The following ADK variants were observed in gnomAD, a reference collection of about 807,000 sequenced individuals.
ADK encodes N6,N6-dimethyladenosine kinase.
Under a neutral mutation model 44.7 loss-of-function variants are expected in ADK, and 24 were observed. That is an observed-to-expected ratio of 0.54 (90% CI 0.39 to 0.76). ADK has a LOEUF of 0.76. ADK is among the 30% of genes least tolerant of loss of function. The probability of loss-of-function intolerance (pLI) is 0.00; values close to 1 mark genes in which losing one functional copy is unlikely to be tolerated. For missense variants in ADK, 321 were observed against 425.1 expected, an observed-to-expected ratio of 0.76 and a Z score of 2.15; for synonymous variants, 128 against 142.6, an observed-to-expected ratio of 0.90 and a Z score of 0.73.
intron 3 of ADK, among the ~76,000 whole-genome samples, chr10:74,238,803 A>C (rs1006200086): frequency 5.3e-5 from 8 of 151,820 alleles, no homozygotes; most frequent in African/African-American, 1.9e-4. Flanking sequence ...AAGAAGATAG[A>C]AAAATACATT....
At chr10:74,648,382 G>C (rs1854127879) in intron 9 of ADK, among the ~76,000 whole-genome samples, 1 of 152,142 alleles carries the variant, frequency 6.6e-6, no homozygotes, top group Non-Finnish European at 1.5e-5. Flanking sequence ...TTTCATTCAT[G>C]AAAGGAAAAT....
At chr10:74,410,662 C>T (rs1466289010) in intron 6 of ADK, among the ~76,000 whole-genome samples, 1 of 152,154 alleles carries the variant, frequency 6.6e-6, no homozygotes, top group Non-Finnish European at 1.5e-5. Flanking sequence ...GCCTGGCTGA[C>T]AGAGTGAGAC....
At chr10:74,250,707 T>A (rs1340843924) in intron 3 of ADK, among the ~76,000 whole-genome samples, 1 of 151,940 alleles carries the variant, frequency 6.6e-6, no homozygotes, top group Non-Finnish European at 1.5e-5. Flanking sequence ...ATAATGAGGG[T>A]CTCTTATAGG....
chr10:74,211,217 A>AT (rs1591860698), intron 2 of ADK, among the ~76,000 whole-genome samples: 2 of 151,318 alleles, frequency 1.3e-5, no homozygotes, highest in East Asian at 1.9e-4. Context: ...CTATTGCCAT[A>AT]TTTTTTTCTA....
intron 6 of ADK, among the ~76,000 whole-genome samples, chr10:74,520,180 T>C (rs1848748246): frequency 6.6e-6 from 1 of 152,024 alleles, no homozygotes; most frequent in Non-Finnish European, 1.5e-5. Flanking sequence ...TGCATAGTTT[T>C]ACGCATATGT....
chr10:74,679,872 C>T (rs1397330246), intron 10 of ADK, among the ~76,000 whole-genome samples: 2 of 151,882 alleles, frequency 1.3e-5, no homozygotes, highest in African/African-American at 2.4e-5. Context: ...GCTGGAGAAT[C>T]GCTTGAACCC....
chr10:74,589,435 G>GCCAAGTTT, intron 8 of ADK, 118 bp downstream of exon 8: 6 of 1,093,486 alleles, frequency 5.5e-6, no homozygotes, highest in Non-Finnish European at 8.3e-6. Flanking sequence ...CGCAGCAGTT[G>GCCAAGTTT]CCATGGAAAC....
chr10:74,401,470 A>G (rs995379123), intron 6 of ADK, among the ~76,000 whole-genome samples: 20 of 152,098 alleles, frequency 1.3e-4, no homozygotes, highest in Non-Finnish European at 4.4e-5. Context: ...TTCTTGTTGC[A>G]TTGATCCCTT....
At chr10:74,464,156 G>A (rs181822968) in intron 6 of ADK, among the ~76,000 whole-genome samples, 9 of 151,954 alleles carry the variant, frequency 5.9e-5, no homozygotes, top group South Asian at 2.1e-4. Flanking sequence ...AAGACATACC[G>A]TATACATGAT....
At chr10:74,386,780 G>A (rs570656013) in intron 4 of ADK, among the ~76,000 whole-genome samples, 1 of 151,996 alleles carries the variant, frequency 6.6e-6, no homozygotes, top group South Asian at 2.1e-4. Flanking sequence ...GTTTTTCATT[G>A]TTTTTGTTAA....
At chr10:74,547,783 C>T (rs77442877) in intron 7 of ADK, among the ~76,000 whole-genome samples, 50 of 152,252 alleles carry the variant, frequency 3.3e-4, no homozygotes, top group African/African-American at 1.1e-3. Flanking sequence ...CTCAGCCTCC[C>T]GAATAGCTGG....
intron 10 of ADK, among the ~76,000 whole-genome samples, chr10:74,690,456 A>G (rs563906291): frequency 1.3e-5 from 2 of 152,264 alleles, no homozygotes; most frequent in East Asian, 3.9e-4. Flanking sequence ...AGATCACACC[A>G]CTGTTCTCCA....
chr10:74,260,478 C>T (rs933975384), intron 3 of ADK, among the ~76,000 whole-genome samples: 1 of 152,108 alleles, frequency 6.6e-6, no homozygotes, highest in Non-Finnish European at 1.5e-5. Flanking sequence ...GCTGTGTTGT[C>T]CCTTGAATGC....
chr10:74,357,577 G>T (rs1440021536), intron 4 of ADK, among the ~76,000 whole-genome samples: 1 of 151,408 alleles, frequency 6.6e-6, no homozygotes, highest in African/African-American at 2.4e-5. Context: ...CTGGGGTTAC[G>T]GGCATAAGCC....
intron 8 of ADK, among the ~76,000 whole-genome samples, chr10:74,591,054 G>C (rs1250544443): frequency 6.6e-6 from 1 of 152,076 alleles, no homozygotes; most frequent in Non-Finnish European, 1.5e-5. Context: ...ACATGATCAT[G>C]ATCCTGTAGT....
intron 9 of ADK, among the ~76,000 whole-genome samples, chr10:74,647,996 A>G (rs1187569662): frequency 6.6e-6 from 1 of 152,144 alleles, no homozygotes; most frequent in Non-Finnish European, 1.5e-5. Flanking sequence ...ACTACAATTT[A>G]TCTTCTTGCA....
At chr10:74,289,461 AAG>A (rs1847319265) in intron 3 of ADK, among the ~76,000 whole-genome samples, 1 of 152,232 alleles carries the variant, frequency 6.6e-6, no homozygotes, top group African/African-American at 2.4e-5. Flanking sequence ...GGCTTAAGCA[AAG>A]ATAGCCTGGG....
chr10:74,273,741 A>G (rs1243405946), intron 3 of ADK, among the ~76,000 whole-genome samples: 3 of 152,196 alleles, frequency 2.0e-5, no homozygotes, highest in Non-Finnish European at 2.9e-5. Context: ...TACAGGCGTG[A>G]GCCACTGCGC....
intron 4 of ADK, among the ~76,000 whole-genome samples, chr10:74,341,850 A>T (rs1240373431): frequency 6.6e-6 from 1 of 152,172 alleles, no homozygotes; most frequent in African/African-American, 2.4e-5. Flanking sequence ...AATTTGTACT[A>T]TTCTGGTTAG....
Sources: allele counts gnomAD v4.1 joint callset (sites outside exome capture counted in the v4.1 genomes callset), GRCh38; gene constraint gnomAD v4.1.1; transcripts MANE v1.5; gene names NCBI Gene and HGNC (gene_info 2026-07-23, HGNC 2026-07-21).